The following IKZF2 variants were observed in gnomAD, a reference collection of about 807,000 sequenced individuals.
IKZF2 encodes the protein IKAROS family zinc finger 2, also known as zinc finger protein Helios.
Under a neutral mutation model 49.2 loss-of-function variants are expected in IKZF2, and 15 were observed. The observed-to-expected ratio is 0.30, with a 90% CI of 0.20 to 0.47. The LOEUF (loss-of-function observed/expected upper bound fraction) is 0.47, where lower values mean the gene tolerates loss of function less well. Ranked by LOEUF, IKZF2 falls within the 20% of genes least tolerant of loss-of-function variation. The probability of loss-of-function intolerance (pLI) is 1.00; values close to 1 mark genes in which losing one functional copy is unlikely to be tolerated. For missense variants in IKZF2, 567 were observed against 664.6 expected, an observed-to-expected ratio of 0.85 and a Z score of 1.61; for synonymous variants, 227 against 221.4, an observed-to-expected ratio of 1.03 and a Z score of -0.23.
chr2:213,141,943 A>T (rs1049421182), intron 4 of IKZF2, among the ~76,000 whole-genome samples: 1 of 152,044 alleles, frequency 6.6e-6, no homozygotes, highest in African/African-American at 2.4e-5. Flanking sequence ...TAGAACATCT[A>T]AACTACTACC....
chr2:213,026,356 T>C (rs979890266), intron 6 of IKZF2, among the ~76,000 whole-genome samples: 2 of 152,182 alleles, frequency 1.3e-5, no homozygotes, highest in East Asian at 1.9e-4. Context: ...TATCATTCTA[T>C]CTTATATTAT....
chr2:213,038,037 G>C (rs1269758974), intron 6 of IKZF2, among the ~76,000 whole-genome samples: 2 of 150,546 alleles, frequency 1.3e-5, no homozygotes, highest in African/African-American at 2.4e-5. Flanking sequence ...AAGTCATGGT[G>C]GTCTGTTTTG....
chr2:213,009,257 T>C (rs927532725), intron 8 of IKZF2, among the ~76,000 whole-genome samples: 1 of 152,138 alleles, frequency 6.6e-6, no homozygotes, highest in South Asian at 2.1e-4. Flanking sequence ...GACTGTTAAC[T>C]ATAAAAGAGT....
chr2:213,124,244 G>A (rs959913261), intron 4 of IKZF2, among the ~76,000 whole-genome samples: 3 of 78,998 alleles, frequency 3.8e-5, no homozygotes, highest in Admixed American at 2.1e-4. Flanking sequence ...ATGCGCTCGC[G>A]CGCGCGCGCA....
chr2:213,092,118 T>A (rs1005843303), intron 4 of IKZF2, among the ~76,000 whole-genome samples: 1 of 152,138 alleles, frequency 6.6e-6, no homozygotes, highest in African/African-American at 2.4e-5. Context: ...ATCGACTTCC[T>A]GGGCTTAAGT....
At position 213,030,856 on chromosome 2, in the gene IKZF2, C is replaced by T. The variant is rs557912528; in HGVS notation, c.575-8726G>A. ...TTGGTGAGATGGAGTCTCGCTCTGT[C>T]GCCCAGACTGGAGGGCAGGAGTGCA... On this transcript the variant is annotated intron_variant, in intron 6 of 8. Transcript: ENST00000434687. Among the ~76,000 whole-genome samples, 10 of 140,060 alleles carry T rather than the reference C, an allele frequency of 7.1e-5. 1 individual carries two copies. The highest frequency in any genetic ancestry group is 2.7e-4 in the African/African-American group (10 of 36,698). 91.9% of individuals were successfully genotyped at this position (140,060 alleles called of 152,430 possible).
chr2:213,131,459 T>C (rs1036740), intron 4 of IKZF2, among the ~76,000 whole-genome samples: 3,307 of 152,300 alleles, frequency 0.022, 126 homozygotes, highest in African/African-American at 0.075. Context: ...ACACTAACTT[T>C]TAAATTGTAT....
chr2:213,112,855 G>T (rs77962769), intron 4 of IKZF2, among the ~76,000 whole-genome samples: 2,502 of 152,066 alleles, frequency 0.016, 67 homozygotes, highest in African/African-American at 0.058. Flanking sequence ...TAACAGCGGG[G>T]CAATACTAGC....
chr2:213,128,950 C>T (rs1027550401), intron 4 of IKZF2, among the ~76,000 whole-genome samples: 3 of 151,790 alleles, frequency 2.0e-5, no homozygotes, highest in Non-Finnish European at 4.4e-5. Context: ...CCACATCTGG[C>T]CAAGATAAGG....
At chr2:213,038,136 C>T (rs1430657231) in intron 6 of IKZF2, among the ~76,000 whole-genome samples, 1 of 152,040 alleles carries the variant, frequency 6.6e-6, no homozygotes, top group Non-Finnish European at 1.5e-5. Flanking sequence ...TCTCTGTTCA[C>T]TACAAGCTCC....
chr2:213,081,447 T>C (rs569915496), intron 4 of IKZF2, among the ~76,000 whole-genome samples: 15 of 152,142 alleles, frequency 9.9e-5, no homozygotes, highest in East Asian at 5.8e-4. Context: ...AAGTCCAATA[T>C]AGACAGAAAG....
At chr2:213,098,832 A>C (rs1191284091) in intron 4 of IKZF2, among the ~76,000 whole-genome samples, 1 of 152,128 alleles carries the variant, frequency 6.6e-6, no homozygotes, top group Non-Finnish European at 1.5e-5. Context: ...ACGTGACCTC[A>C]GTTGTCATTC....
At chr2:213,112,759 C>T (rs900665547) in intron 4 of IKZF2, among the ~76,000 whole-genome samples, 2 of 152,086 alleles carry the variant, frequency 1.3e-5, no homozygotes, top group Admixed American at 6.5e-5. Flanking sequence ...TTAGCTAAGA[C>T]GAAGGATTCT....
At chr2:213,097,014 T>G (rs1471744818) in intron 4 of IKZF2, among the ~76,000 whole-genome samples, 1 of 151,948 alleles carries the variant, frequency 6.6e-6, no homozygotes, top group African/African-American at 2.4e-5. Context: ...ATTACAAAAG[T>G]TTTTTTGAAA....
At chr2:213,071,634 G>A in intron 4 of IKZF2, among the ~76,000 whole-genome samples, 1 of 152,088 alleles carries the variant, frequency 6.6e-6, no homozygotes, top group South Asian at 2.1e-4. Context: ...GTCTGTCTGT[G>A]TGGAAGGAGA....
intron 4 of IKZF2, among the ~76,000 whole-genome samples, chr2:213,076,897 G>A (rs114837531): frequency 0.021 from 3,166 of 152,102 alleles, 42 homozygotes; most frequent in African/African-American, 0.025. Flanking sequence ...GCCAGACTCC[G>A]TCTCCAAAAA....
intron 4 of IKZF2, among the ~76,000 whole-genome samples, chr2:213,144,408 C>A (rs149959334): frequency 5.4e-4 from 82 of 151,836 alleles, no homozygotes; most frequent in African/African-American, 1.7e-3. Context: ...AAATTTTGAA[C>A]TTTAAACAAT....
At chr2:213,131,178 A>C (rs2060463808) in intron 4 of IKZF2, among the ~76,000 whole-genome samples, 1 of 152,164 alleles carries the variant, frequency 6.6e-6, no homozygotes, top group Admixed American at 6.5e-5. Flanking sequence ...TTGTAGACAA[A>C]TGTGATAATT....
At chr2:213,091,317 A>G (rs189032930) in intron 4 of IKZF2, among the ~76,000 whole-genome samples, 1 of 152,198 alleles carries the variant, frequency 6.6e-6, no homozygotes, top group Admixed American at 6.5e-5. Flanking sequence ...ACTTAATTCC[A>G]TATCTGAAGA....
Sources: gnomAD v4.1 joint callset for allele counts (sites outside exome capture counted in the v4.1 genomes callset) on GRCh38, gnomAD v4.1.1 for gene constraint, MANE v1.5 for transcripts, NCBI Gene and HGNC (gene_info 2026-07-23, HGNC 2026-07-21) for gene names.